CDC42SE2: variants seen among roughly 807,000 people sequenced by gnomAD.
CDC42SE2 encodes the protein CDC42 small effector protein 2.
Under a neutral mutation model 11.5 loss-of-function variants are expected in CDC42SE2, and 3 were observed. That is an observed-to-expected ratio of 0.26 (90% confidence interval 0.12 to 0.67). The LOEUF is 0.67. Among genes scored for constraint, CDC42SE2 ranks in the 30% least tolerant of loss-of-function variants. CDC42SE2 has a pLI of 0.80. For missense variants in CDC42SE2, 82 were observed against 106.8 expected (o/e 0.77, Z 1.02); for synonymous variants, 33 against 34.8 (o/e 0.95, Z 0.18).
At chr5:131,239,670 G>A in the CDC42SE2 span, among the ~76,000 whole-genome samples, 1 of 152,050 alleles carries the variant, frequency 6.6e-6, no homozygotes, top group South Asian at 2.1e-4. Flanking sequence ...CTTCTGCCAG[G>A]CACCCTAGGT....
the CDC42SE2 span, among the ~76,000 whole-genome samples, chr5:131,231,244 A>G: frequency 6.6e-6 from 1 of 152,130 alleles, no homozygotes; most frequent in South Asian, 2.1e-4. Flanking sequence ...TTAAATGAGG[A>G]CTTGTTTTAG....
chr5:131,363,021 G>A (rs1305023704), intron 3 of CDC42SE2, among the ~76,000 whole-genome samples: 1 of 151,996 alleles, frequency 6.6e-6, no homozygotes, highest in Non-Finnish European at 1.5e-5. Context: ...TTATGTGCCT[G>A]AAGTCCTAGC....
intron 1 of CDC42SE2, among the ~76,000 whole-genome samples, chr5:131,271,401 CAG>C (rs1299540951): frequency 6.6e-6 from 1 of 151,920 alleles, no homozygotes; most frequent in Non-Finnish European, 1.5e-5. Flanking sequence ...AAAGAAAAAA[CAG>C]AACAAAAAGG....
intron 3 of CDC42SE2, among the ~76,000 whole-genome samples, chr5:131,377,388 C>T (rs998219889): frequency 6.6e-6 from 1 of 152,008 alleles, no homozygotes; most frequent in Non-Finnish European, 1.5e-5. Context: ...AGGCTGGTCT[C>T]GAACTCCTGA....
At chr5:131,297,662 G>A (rs1757599008) in intron 1 of CDC42SE2, among the ~76,000 whole-genome samples, 2 of 152,058 alleles carry the variant, frequency 1.3e-5, no homozygotes, top group Admixed American at 1.3e-4. Flanking sequence ...GGAGCTTGCA[G>A]TGAGTCAAGA....
chr5:131,286,385 G>GTTT (rs33983324), intron 1 of CDC42SE2, among the ~76,000 whole-genome samples: 1,489 of 115,022 alleles, frequency 0.013, 49 homozygotes, highest in African/African-American at 0.044. Flanking sequence ...CACCTGGCCA[G>GTTT]TTTTTTTTTT....
intron 1 of CDC42SE2, among the ~76,000 whole-genome samples, chr5:131,282,728 A>G (rs1321193898): frequency 6.6e-6 from 1 of 151,940 alleles, no homozygotes; most frequent in Non-Finnish European, 1.5e-5. Context: ...TCCCGGGTTC[A>G]TGCCATTCTC....
chr5:131,348,011 A>T (rs1028493995), intron 2 of CDC42SE2, among the ~76,000 whole-genome samples: 1 of 152,222 alleles, frequency 6.6e-6, no homozygotes, highest in Non-Finnish European at 1.5e-5. Context: ...AATAAGAGTT[A>T]TCTATGACAC....
chr5:131,247,170 T>A (rs1210443471), intron 1 of CDC42SE2, among the ~76,000 whole-genome samples: 6 of 152,126 alleles, frequency 3.9e-5, no homozygotes, highest in Non-Finnish European at 5.9e-5. Context: ...ATTTAGTATT[T>A]TTGCAAAAAC....
At chr5:131,284,653 T>G (rs1261449207) in intron 1 of CDC42SE2, among the ~76,000 whole-genome samples, 1 of 152,046 alleles carries the variant, frequency 6.6e-6, no homozygotes, top group Non-Finnish European at 1.5e-5. Context: ...AAATTTTTTT[T>G]GGTAGAGATA....
At chr5:131,304,773 G>C (rs1757748822) in intron 1 of CDC42SE2, among the ~76,000 whole-genome samples, 2 of 152,118 alleles carry the variant, frequency 1.3e-5, no homozygotes, top group Admixed American at 1.3e-4. Context: ...TTTTGGAAGA[G>C]CTATTTTCTG....
intron 1 of CDC42SE2, among the ~76,000 whole-genome samples, chr5:131,278,061 A>G (rs749208369): frequency 1.3e-5 from 2 of 152,164 alleles, no homozygotes; most frequent in Non-Finnish European, 2.9e-5. Flanking sequence ...TGGCATGATC[A>G]GGACTCACTG....
chr5:131,218,790 C>A, the CDC42SE2 span, among the ~76,000 whole-genome samples: 2 of 152,152 alleles, frequency 1.3e-5, no homozygotes, highest in Non-Finnish European at 2.9e-5. Flanking sequence ...GGGGGATCCC[C>A]TTCTGGGATG....
At chr5:131,239,491 C>T in the CDC42SE2 span, among the ~76,000 whole-genome samples, 2 of 152,098 alleles carry the variant, frequency 1.3e-5, no homozygotes, top group African/African-American at 4.8e-5. Flanking sequence ...GGTTGCTTAT[C>T]CTCCTGTTTA....
At chr5:131,312,538 C>T (rs1393898544) in intron 1 of CDC42SE2, among the ~76,000 whole-genome samples, 1 of 152,208 alleles carries the variant, frequency 6.6e-6, no homozygotes, top group Non-Finnish European at 1.5e-5. Context: ...CCTCCCCCAG[C>T]CTGGCTGCTG....
chr5:131,313,133 C>T (rs1336225708), intron 1 of CDC42SE2, among the ~76,000 whole-genome samples: 3 of 152,048 alleles, frequency 2.0e-5, no homozygotes, highest in Non-Finnish European at 4.4e-5. Flanking sequence ...CAGGTGCCTG[C>T]CACGACGCCC....
the CDC42SE2 span, among the ~76,000 whole-genome samples, chr5:131,219,209 G>A: frequency 1.3e-5 from 2 of 152,150 alleles, no homozygotes; most frequent in African/African-American, 4.8e-5. Context: ...TTTATGTTAG[G>A]TTGTTATACC....
intron 1 of CDC42SE2, among the ~76,000 whole-genome samples, chr5:131,283,332 C>T (rs1305749950): frequency 6.6e-5 from 10 of 152,176 alleles, no homozygotes; most frequent in Admixed American, 3.9e-4. Context: ...TCTTCCCTCC[C>T]CACATCCTCT....
chr5:131,229,706 A>T, the CDC42SE2 span, among the ~76,000 whole-genome samples: 3 of 152,252 alleles, frequency 2.0e-5, no homozygotes, highest in South Asian at 6.2e-4. Flanking sequence ...GGCCAAGGTG[A>T]GTGGATCTCC....
Sources: gnomAD v4.1 joint callset for allele counts (sites outside exome capture counted in the v4.1 genomes callset) on GRCh38, gnomAD v4.1.1 for gene constraint, MANE v1.5 for transcripts, NCBI Gene and HGNC (gene_info 2026-07-23, HGNC 2026-07-21) for gene names.